HHAT: variants seen among roughly 807,000 people sequenced by gnomAD.
HHAT encodes hedgehog acyltransferase, also known as protein-cysteine N-palmitoyltransferase HHAT.
Under a neutral mutation model 70.8 loss-of-function variants are expected in HHAT, and 47 were observed. The observed-to-expected ratio is 0.66, with a 90% CI of 0.53 to 0.85. The LOEUF (loss-of-function observed/expected upper bound fraction) is 0.85, where lower values mean the gene tolerates loss of function less well. Ranked by LOEUF, HHAT falls within the 40% of genes least tolerant of loss-of-function variation. The pLI, the probability that HHAT is intolerant of heterozygous loss-of-function variation, is 0.00. For synonymous variants in HHAT, 228 were observed against 247.6 expected (o/e 0.92, Z 0.74); for missense variants, 609 against 604.8 (o/e 1.01, Z -0.07).
chr1:210,637,105 G>A (rs1036735732), intron 11 of HHAT, among the ~76,000 whole-genome samples: 9 of 152,184 alleles, frequency 5.9e-5, no homozygotes, highest in African/African-American at 1.9e-4. Context: ...TTCCTGGCAT[G>A]TGATGACCCC....
At chr1:210,589,915 A>G (rs1661286106) in intron 10 of HHAT, 1 of 152,160 alleles carries the variant, frequency 6.6e-6, no homozygotes, top group Admixed American at 6.5e-5. Context: ...TTTTTTTGGC[A>G]AAATATTTGT....
At chr1:210,383,066 ACGGTGGCTTATGCCTGTAATC>A (rs764590335) in intron 3 of HHAT, among the ~76,000 whole-genome samples, 57 of 152,326 alleles carry the variant, frequency 3.7e-4, no homozygotes, top group Middle Eastern at 3.4e-3. Context: ...CAGGCCGGGC[ACGGTGGCTTATGCCTGTAATC>A]CCAGCACTTT....
At chr1:210,448,532 A>C (rs912327421) in intron 7 of HHAT, among the ~76,000 whole-genome samples, 32 of 152,170 alleles carry the variant, frequency 2.1e-4, no homozygotes, top group Admixed American at 8.5e-4. Context: ...AATTAGACCA[A>C]ATTAGCCTAA....
At position 210,636,059 on chromosome 1, in the gene HHAT, A is replaced by G. The variant is rs528600680; in HGVS notation, c.1390+12389A>G. ...TATGTTTGATACTTTAAATATTTTA[A>G]ATCTGTATGAATCTGTGTCTGCTGT... On this transcript the variant is annotated intron_variant, in intron 11 of 11. Transcript: ENST00000261458. Among the ~76,000 whole-genome samples, 10 of 152,302 alleles carry G rather than the reference A, an allele frequency of 6.6e-5. 1 individual carries two copies. The East Asian group carries it at 1.9e-3, about 29-fold the overall frequency.
intron 10 of HHAT, among the ~76,000 whole-genome samples, chr1:210,618,433 A>G (rs1668186207): frequency 6.6e-6 from 1 of 152,136 alleles, no homozygotes; most frequent in African/African-American, 2.4e-5. Flanking sequence ...GGAAAACTTC[A>G]GTGATTATAT....
intron 3 of HHAT, among the ~76,000 whole-genome samples, chr1:210,384,411 TGTAG>T (rs1225364581): frequency 6.6e-6 from 1 of 152,156 alleles, no homozygotes; most frequent in African/African-American, 2.4e-5. Flanking sequence ...AACATTCAGC[TGTAG>T]GAAGGCATAA....
rs893617533 is a variant in HHAT, at chr1:210,376,063, C to T, written c.160-11405C>T. 4.4e-5 allele frequency among the ~76,000 whole-genome samples: 6 copies of T among 137,572 alleles called. No homozygotes were observed. The South Asian group carries it at 1.4e-3, about 32-fold the overall frequency. The allele number at this position is 137,572 out of a possible 152,430, so 90.3% of individuals were successfully genotyped here. Reference sequence around the variant, plus strand: ...TATTTTTACTAGATAGGGGGTTTTGCCATATCGGCCAGGCTGGTCTGGAAC... The same window carrying T: ...TATTTTTACTAGATAGGGGGTTTTGTCATATCGGCCAGGCTGGTCTGGAAC... On this transcript the variant is annotated intron_variant, in intron 3 of 11. Transcript: ENST00000261458.
intron 11 of HHAT, among the ~76,000 whole-genome samples, chr1:210,624,461 C>T (rs987177494): frequency 6.6e-6 from 1 of 152,086 alleles, no homozygotes; most frequent in Non-Finnish European, 1.5e-5. Context: ...TTGCTCTGAA[C>T]GTCCTACTAG....
intron 7 of HHAT, among the ~76,000 whole-genome samples, chr1:210,449,069 A>G (rs2093693549): frequency 2.0e-5 from 2 of 99,082 alleles, no homozygotes; most frequent in South Asian, 8.2e-4. Flanking sequence ...ACCACCAACA[A>G]AAATCATTTA....
chr1:210,542,496 A>AATATAT (rs749840373), intron 9 of HHAT, among the ~76,000 whole-genome samples: 218 of 149,502 alleles, frequency 1.5e-3, no homozygotes, highest in Middle Eastern at 0.011. Flanking sequence ...TTAAAAAAAA[A>AATATAT]ATATATATAT....
At chr1:210,466,376 T>C (rs960982563) in intron 8 of HHAT, among the ~76,000 whole-genome samples, 1 of 152,254 alleles carries the variant, frequency 6.6e-6, no homozygotes, top group African/African-American at 2.4e-5. Context: ...AGGTGCTCTC[T>C]AACTAGAAGG....
At chr1:210,382,397 G>C (rs148688602) in intron 3 of HHAT, among the ~76,000 whole-genome samples, 39 of 152,278 alleles carry the variant, frequency 2.6e-4, no homozygotes, top group Non-Finnish European at 3.4e-4. Context: ...AGATAGTTAA[G>C]TGACTTTTCC....
intron 10 of HHAT, among the ~76,000 whole-genome samples, chr1:210,605,012 TCAACAACAA>T (rs66718127): frequency 2.2e-4 from 33 of 150,736 alleles, no homozygotes; most frequent in African/African-American, 5.4e-4. Context: ...TGGGCAAGAC[TCAACAACAA>T]CAACAACAAC....
chr1:210,626,457 C>T lies in HHAT; in HGVS notation c.1390+2787C>T, dbSNP rs150905628. Among the ~76,000 whole-genome samples the T allele has an allele frequency of 6.4e-4, 97 of 152,270 alleles. 2 individuals carry two copies. The highest frequency in any genetic ancestry group is 4.1e-3 in the East Asian group (21 of 5,166). On this transcript the variant is annotated intron_variant, in intron 11 of 11. Transcript: ENST00000261458. ...GGGTTCTGAGGCCAGAGAAACTCAG[C>T]TTAGAAGGCTTTTTCTATGTCAGTG...
At chr1:210,480,809 C>CT (rs2094384535) in intron 8 of HHAT, among the ~76,000 whole-genome samples, 1 of 152,146 alleles carries the variant, frequency 6.6e-6, no homozygotes, top group Non-Finnish European at 1.5e-5. Flanking sequence ...CACCTTATTC[C>CT]TTTATTTTCC....
intron 9 of HHAT, among the ~76,000 whole-genome samples, chr1:210,536,113 T>C (rs532845041): frequency 2.6e-5 from 4 of 152,258 alleles, no homozygotes; most frequent in Non-Finnish European, 5.9e-5. Context: ...AAGTATTTTC[T>C]TTTTAATTGG....
At chr1:210,390,140 A>G (rs888295516) in intron 4 of HHAT, among the ~76,000 whole-genome samples, 3 of 152,208 alleles carry the variant, frequency 2.0e-5, no homozygotes, top group African/African-American at 7.2e-5. Flanking sequence ...ATTCTCAAAA[A>G]AGATGAAGAT....
chr1:210,524,320 T>G (rs1189429700), intron 9 of HHAT, among the ~76,000 whole-genome samples: 2 of 152,088 alleles, frequency 1.3e-5, no homozygotes, highest in African/African-American at 4.8e-5. Flanking sequence ...CTTGATGTGA[T>G]GGAGGGTGCA....
intron 6 of HHAT, among the ~76,000 whole-genome samples, chr1:210,412,887 C>T (rs2092606337): frequency 3.3e-5 from 5 of 152,216 alleles, no homozygotes; most frequent in Non-Finnish European, 7.3e-5. Flanking sequence ...AGCCACACCC[C>T]CTCACAGCTT....
Sources: gnomAD v4.1 joint callset for allele counts (sites outside exome capture counted in the v4.1 genomes callset) on GRCh38, gnomAD v4.1.1 for gene constraint, MANE v1.5 for transcripts, NCBI Gene and HGNC (gene_info 2026-07-23, HGNC 2026-07-21) for gene names.